Variants in NBN observed in about 807,000 individuals in gnomAD.
The protein encoded by NBN is Nijmegen breakage syndrome 1 (nibrin).
NBN carries 88 observed loss-of-function variants against 90.8 expected under a neutral mutation model. The observed-to-expected ratio is 0.97, with a 90% CI of 0.82 to 1.16. The LOEUF (loss-of-function observed/expected upper bound fraction) is 1.16, where lower values mean the gene tolerates loss of function less well. Ranked by LOEUF, NBN falls within the 50% of genes most tolerant of loss-of-function variation. The pLI, the probability that NBN is intolerant of heterozygous loss-of-function variation, is 0.00. For missense variants in NBN, 894 were observed against 869.6 expected, an observed-to-expected ratio of 1.03 and a Z score of -0.35; for synonymous variants, 328 against 295.1, an observed-to-expected ratio of 1.11 and a Z score of -1.14.
intron 8 of NBN, among the ~76,000 whole-genome samples, chr8:89,960,738 A>G (rs1379328538): frequency 4.6e-5 from 7 of 152,342 alleles, no homozygotes; most frequent in South Asian, 2.1e-4. Context: ...TAAAAATACC[A>G]TAAGGGCAGG....
chr8:89,946,488 T>C (rs1335389842), intron 12 of NBN, 193 bp from the exon 13 acceptor site: 3 of 569,028 alleles, frequency 5.3e-6, no homozygotes, highest in East Asian at 3.1e-5. Flanking sequence ...CTTACTCAAA[T>C]GCTCTATAAA....
At chr8:89,982,444 T>C (rs1242045062) in intron 2 of NBN, 2 of 465,172 alleles carry the variant, frequency 4.3e-6, no homozygotes, top group African/African-American at 2.0e-5. Flanking sequence ...AATAAATGTT[T>C]AGTAAGCAAA....
chr8:89,951,311 CA>C (rs71268296), intron 11 of NBN, among the ~76,000 whole-genome samples: 138 of 68,270 alleles, frequency 2.0e-3, no homozygotes, highest in South Asian at 5.6e-3. Context: ...GACTCTGTCT[CA>C]AAAAAAAAAA....
intron 11 of NBN, among the ~76,000 whole-genome samples, chr8:89,950,171 C>G (rs1810383149): frequency 6.6e-6 from 1 of 152,150 alleles, no homozygotes; most frequent in Non-Finnish European, 1.5e-5. Context: ...TATTATAGTG[C>G]TGGAATACAG....
At chr8:89,963,351 C>T (rs1811087695) in intron 8 of NBN, among the ~76,000 whole-genome samples, 2 of 152,146 alleles carry the variant, frequency 1.3e-5, no homozygotes, top group South Asian at 2.1e-4. Context: ...GTGCTGTTCT[C>T]TAACTTGTCT....
Position 89,983,933 on chromosome 8 carries a change from C to G in NBN, c.37+592G>C, listed in dbSNP as rs540883295. The stretch of plus-strand genomic sequence containing the variant: ...TTTGCCAATCATCATGTAAACTTCC[C>G]GAGGACAAGACCCTTCACACCCACC... On this transcript the variant is annotated intron_variant, in intron 1 of 15. Coordinates refer to ENST00000265433, the MANE Select transcript of NBN (RefSeq NM_002485.5). 7.2e-5 allele frequency among the ~76,000 whole-genome samples: 11 copies of G among 152,232 alleles called. No homozygotes were observed. In the South Asian group the frequency reaches 1.7e-3, roughly 23 times the overall value.
intron 7 of NBN, among the ~76,000 whole-genome samples, chr8:89,964,887 G>A (rs1356187224): frequency 1.3e-5 from 2 of 152,174 alleles, no homozygotes; most frequent in African/African-American, 4.8e-5. Flanking sequence ...GCTGAGGCGG[G>A]TGGATCACTT....
rs1208691485 is a variant in NBN, at chr8:89,933,678, AATATCTGAAATCTTGGGGTTAAATTGG to A, written c.*1877_*1903del. ...ATATAAAGTTTATATAATAGAGCAG[AATATCTGAAATCTTGGGGTTAAATTGG>A]AGAGAAAAAATATCAAACAAAAGAA... On this transcript the variant is annotated 3_prime_UTR_variant, in exon 16 of 16. Transcript: ENST00000265433. 9 of 232,380 alleles carry A rather than the reference AATATCTGAAATCTTGGGGTTAAATTGG, an allele frequency of 3.9e-5. No individual in the cohort carries two copies. The Admixed American group carries it at 5.1e-4, about 13-fold the overall frequency. The allele number at this position is 232,380 out of a possible 1,614,324, so 14.4% of individuals were successfully genotyped here. A position where few individuals can be genotyped will look rare whatever the true frequency, so the allele number is the denominator to read the frequency against.
intron 14 of NBN, 114 bp downstream of exon 14, chr8:89,943,139 G>C: frequency 2.8e-6 from 3 of 1,066,810 alleles, no homozygotes; most frequent in Non-Finnish European, 4.3e-6. Flanking sequence ...GCTCCTGAAT[G>C]AATGACTTTA....
At position 89,935,420 on chromosome 8, in the gene NBN, A is replaced by G; in HGVS notation, c.*162T>C. On this transcript the variant is annotated 3_prime_UTR_variant, in exon 16 of 16. Transcript: ENST00000265433. ...TGAAAACAGAACAAACAATTGTTACATACAAAAGAATCAAAGTTTTGTGCA... is the reference window on the plus strand; with the variant it reads ...TGAAAACAGAACAAACAATTGTTACGTACAAAAGAATCAAAGTTTTGTGCA... The G allele has an allele frequency of 2.6e-6, 2 of 783,186 alleles. No homozygotes were observed. Among genetic ancestry groups the G allele is most frequent in the East Asian group, 5.5e-5 (2 of 36,208 alleles). 48.5% of individuals were successfully genotyped at this position (783,186 alleles called of 1,614,324 possible).
At chr8:89,983,819 C>A (rs1459400116) in intron 1 of NBN, among the ~76,000 whole-genome samples, 1 of 152,024 alleles carries the variant, frequency 6.6e-6, no homozygotes, top group Non-Finnish European at 1.5e-5. Context: ...GACGCCTTGA[C>A]CTGTGAGTCT....
In NBN at chr8:89,984,600, C is replaced by T. The variant is rs1248181473; in HGVS notation, c.-39G>A. 6 of 1,610,958 alleles carry T rather than the reference C, an allele frequency of 3.7e-6. No individual in the cohort carries two copies. Among genetic ancestry groups the T allele is most frequent in the Non-Finnish European group, 5.1e-6 (6 of 1,179,048 alleles). The stretch of plus-strand genomic sequence containing the variant: ...CAGGGCTGGGGCCGACGTGCAACCG[C>T]GTAACCGGGGCTGCTAGACGAGCGC... On this transcript the variant is annotated 5_prime_UTR_variant, in exon 1 of 16. Coordinates refer to ENST00000265433, the MANE Select transcript of NBN (RefSeq NM_002485.5).
At chr8:89,951,738 T>C (rs1379803839) in intron 11 of NBN, among the ~76,000 whole-genome samples, 1 of 147,622 alleles carries the variant, frequency 6.8e-6, no homozygotes, top group African/African-American at 2.5e-5. Flanking sequence ...GAAATGAGAG[T>C]AGTCTTAAAT....
chr8:89,946,818 G>A (rs1810213429), intron 12 of NBN, among the ~76,000 whole-genome samples: 1 of 152,118 alleles, frequency 6.6e-6, no homozygotes. Flanking sequence ...TAATTGACAA[G>A]CCATTTTTAA....
In NBN at chr8:89,937,296, C is replaced by T. The variant is rs557200757; in HGVS notation, c.2185-221G>A. The T allele has an allele frequency of 2.6e-5, 14 of 547,672 alleles. No individual in the cohort carries two copies. The East Asian group carries it at 4.3e-4, about 17-fold the overall frequency. 33.9% of individuals were successfully genotyped at this position (547,672 alleles called of 1,614,324 possible). A position where few individuals can be genotyped will look rare whatever the true frequency, so the allele number is the denominator to read the frequency against. On this transcript the variant is annotated intron_variant, in intron 14 of 15. Transcript: ENST00000265433. ...GCTCTAACTAAACAGCTTTCTCCCA[C>T]CCATCTCCACTCAAAGACAACCAAT...
intron 11 of NBN, 97 bp downstream of exon 11, chr8:89,953,147 C>G: frequency 1.1e-6 from 1 of 891,262 alleles, no homozygotes; most frequent in Non-Finnish European, 1.8e-6. Flanking sequence ...GTGTTAAAGA[C>G]ATTAATGGAT....
chr8:89,964,366 A>C (rs745501933), intron 8 of NBN, 44 bp downstream of exon 8: 75 of 1,604,398 alleles, frequency 4.7e-5, no homozygotes, highest in Admixed American at 6.7e-5. Flanking sequence ...ATCGATTTAC[A>C]TAATAAAGTT....
At chr8:89,968,273 C>A (rs1811345425) in intron 7 of NBN, among the ~76,000 whole-genome samples, 1 of 151,926 alleles carries the variant, frequency 6.6e-6, no homozygotes, top group Admixed American at 6.6e-5. Context: ...ACCAAAAACC[C>A]AAAAAACCAT....
intron 15 of NBN, chr8:89,935,969 C>A: frequency 2.9e-6 from 1 of 340,800 alleles, no homozygotes; most frequent in Non-Finnish European, 5.6e-6. Flanking sequence ...CACAAAAGAG[C>A]ATAATCTACT....
Sources: gnomAD v4.1 joint callset for allele counts (sites outside exome capture counted in the v4.1 genomes callset) on GRCh38, gnomAD v4.1.1 for gene constraint, MANE v1.5 for transcripts, NCBI Gene and HGNC (gene_info 2026-07-23, HGNC 2026-07-21) for gene names.